SHANK2: variants seen among roughly 807,000 people sequenced by gnomAD.
The protein encoded by SHANK2 is SH3 and multiple ankyrin repeat domains protein 2.
Under a neutral mutation model 133.7 loss-of-function variants are expected in SHANK2, and 43 were observed. The observed-to-expected ratio is 0.32, with a 90% CI of 0.25 to 0.41. The LOEUF (loss-of-function observed/expected upper bound fraction) is 0.41, where lower values mean the gene tolerates loss of function less well. SHANK2 is among the 10% of genes least tolerant of loss of function. SHANK2 has a pLI of 1.00. For synonymous variants in SHANK2, 1,017 were observed against 952.8 expected (o/e 1.07, Z -1.24); for missense variants, 1,994 against 2,235.8 (o/e 0.89, Z 2.18).
chr11:71,146,124 G>C (rs1404345003), intron 3 of SHANK2, among the ~76,000 whole-genome samples: 1 of 152,178 alleles, frequency 6.6e-6, no homozygotes, highest in Non-Finnish European at 1.5e-5. Context: ...TGAAATGTTC[G>C]CAGGCCAACC....
chr11:70,586,801 G>T (rs975935652), intron 17 of SHANK2, among the ~76,000 whole-genome samples: 1 of 152,214 alleles, frequency 6.6e-6, no homozygotes, highest in Non-Finnish European at 1.5e-5. Context: ...TCCCCGGAAC[G>T]GGGAAGGACA....
At chr11:70,809,801 T>G (rs1948240404) in intron 12 of SHANK2, among the ~76,000 whole-genome samples, 1 of 152,200 alleles carries the variant, frequency 6.6e-6, no homozygotes, top group Non-Finnish European at 1.5e-5. Flanking sequence ...GATGCTTACC[T>G]GGGCTCTGAG....
chr11:71,117,680 C>A (rs1180320748), intron 4 of SHANK2, among the ~76,000 whole-genome samples: 4 of 152,182 alleles, frequency 2.6e-5, no homozygotes, highest in African/African-American at 9.7e-5. Flanking sequence ...TCTGAGCCAG[C>A]AAACACATCC....
chr11:70,625,716 C>T (rs1433376254), intron 17 of SHANK2, among the ~76,000 whole-genome samples: 1 of 150,660 alleles, frequency 6.6e-6, no homozygotes, highest in Non-Finnish European at 1.5e-5. Flanking sequence ...TTTACTCAGG[C>T]CCCTCCGCTC....
rs151029233 is a variant in SHANK2 at position 70,492,321 on chromosome 11, G to T, written c.2439+14C>A. The stretch of plus-strand genomic sequence containing the variant: ...CGGCCCCCGCCCTCGTGGTCCCAAG[G>T]TACGGCCACTCACGTTCATGTCTGA... On this transcript the variant is annotated intron_variant, in intron 22 of 25. Coordinates refer to ENST00000601538, the MANE Select transcript of SHANK2 (RefSeq NM_012309.5). The T allele has an allele frequency of 4.1e-3, 6,608 of 1,608,974 alleles. 24 individuals carry two copies. Among genetic ancestry groups the T allele is most frequent in the Non-Finnish European group, 5.2e-3 (6,172 of 1,179,874 alleles).
chr11:71,094,984 CCTCT>C (rs1720062098), intron 6 of SHANK2, among the ~76,000 whole-genome samples: 1 of 152,240 alleles, frequency 6.6e-6, no homozygotes. Flanking sequence ...GCTGCCCTTC[CCTCT>C]GAGTACACAG....
chr11:70,523,596 G>C (rs1198908498), intron 17 of SHANK2, among the ~76,000 whole-genome samples: 3 of 152,176 alleles, frequency 2.0e-5, no homozygotes, highest in African/African-American at 7.2e-5. Context: ...CACCTAAGCA[G>C]GCTTTGTCTA....
At position 70,777,885 on chromosome 11, in the gene SHANK2, C is replaced by T. The variant is rs147873070; in HGVS notation, c.1777+20558G>A. ...AGGTTTCATGAGGTGGAGATAGAGC[C>T]CTGGCATCCACATTACTTTTCTATA... On this transcript the variant is annotated intron_variant, in intron 14 of 25. Coordinates refer to ENST00000601538, the MANE Select transcript of SHANK2 (RefSeq NM_012309.5). Among the ~76,000 whole-genome samples the T allele has an allele frequency of 3.2e-3, 489 of 152,302 alleles. 5 individuals carry two copies. Among genetic ancestry groups the T allele is most frequent in the Middle Eastern group, 0.02 (6 of 294 alleles).
At chr11:70,849,251 GC>G (rs1443373355) in intron 11 of SHANK2, among the ~76,000 whole-genome samples, 3 of 152,164 alleles carry the variant, frequency 2.0e-5, no homozygotes, top group Admixed American at 1.3e-4. Context: ...TCTGAGACCA[GC>G]CTGGGCAACA....
Position 70,773,637 on chromosome 11 carries a change from T to A in SHANK2, c.1777+24806A>T, listed in dbSNP as rs146359488. Among the ~76,000 whole-genome samples, 418 of 152,364 alleles carry A rather than the reference T, an allele frequency of 2.7e-3. 3 individuals are homozygous for A. The highest frequency in any genetic ancestry group is 9.8e-3 in the African/African-American group (408 of 41,588). On this transcript the variant is annotated intron_variant, in intron 14 of 25. Transcript: ENST00000601538. ...TTTCCAAATTTGCTACAGGACTAGA[T>A]ATTACTTGTATAATAAAGTATTAGT...
At chr11:70,600,418 C>CAAAAAA (rs56103044) in intron 17 of SHANK2, among the ~76,000 whole-genome samples, 57 of 95,208 alleles carry the variant, frequency 6.0e-4, no homozygotes, top group Non-Finnish European at 1.0e-3. Flanking sequence ...GACTCTGTCT[C>CAAAAAA]AAAAAAAAAA....
intron 15 of SHANK2, among the ~76,000 whole-genome samples, chr11:70,697,836 C>A (rs1387497945): frequency 6.6e-6 from 1 of 152,188 alleles, no homozygotes; most frequent in Non-Finnish European, 1.5e-5. Flanking sequence ...GCTCCTCAGC[C>A]AGCAGGGCCG....
In SHANK2 at chr11:70,471,505, C is replaced by T; in HGVS notation, c.*1364G>A. On this transcript the variant is annotated 3_prime_UTR_variant, in exon 26 of 26. Transcript: ENST00000601538. The surrounding 1 kb of genome is among the most constrained non-coding windows in gnomAD (Gnocchi z 4.1). ...GGGGCGGGGCTCAAGAAAGCCTTGCCAGAGAGGCTGACCTGGCAGCCCAGG... is the reference window on the plus strand; with the variant it reads ...GGGGCGGGGCTCAAGAAAGCCTTGCTAGAGAGGCTGACCTGGCAGCCCAGG... The T allele has an allele frequency of 2.5e-6, 1 of 398,134 alleles. No individual in the cohort carries two copies. Among genetic ancestry groups the T allele is most frequent in the Non-Finnish European group, 4.4e-6 (1 of 225,938 alleles). The allele number at this position is 398,134 out of a possible 1,614,324, so 24.7% of individuals were successfully genotyped here.
At chr11:70,652,405 A>G (rs2061348455) in intron 17 of SHANK2, among the ~76,000 whole-genome samples, 1 of 152,244 alleles carries the variant, frequency 6.6e-6, no homozygotes, top group Non-Finnish European at 1.5e-5. Flanking sequence ...AACAAACATC[A>G]GTCATTATTA....
rs2059057954 is a variant in SHANK2, at chr11:70,501,829, C to T, written c.2287+94G>A. The T allele has an allele frequency of 2.2e-6, 3 of 1,337,212 alleles. No homozygotes were observed. In the South Asian group the frequency reaches 3.8e-5, roughly 17 times the overall value. The allele number at this position is 1,337,212 out of a possible 1,614,324, so 82.8% of individuals were successfully genotyped here. On this transcript the variant is annotated intron_variant, in intron 20 of 25. Coordinates refer to ENST00000601538, the MANE Select transcript of SHANK2 (RefSeq NM_012309.5). ...TCTGAGCCACGTGGGGAGCAGCTCACACAGGCCTCCGAGGCCTGGGCTGAG... is the reference window on the plus strand; with the variant it reads ...TCTGAGCCACGTGGGGAGCAGCTCATACAGGCCTCCGAGGCCTGGGCTGAG...
Position 70,853,574 on chromosome 11 carries a change from G to A in SHANK2, c.1175-32892C>T, listed in dbSNP as rs184508460. ...CTCCTCCCAACAGCTCCACCAGCCC[G>A]GAGCGTGTGATGTGTGTAGGATGCT... On this transcript the variant is annotated intron_variant, in intron 11 of 25. Transcript: ENST00000601538. Among the ~76,000 whole-genome samples, 621 of 152,276 alleles carry A rather than the reference G, an allele frequency of 4.1e-3. 2 individuals carry two copies. Among genetic ancestry groups the A allele is most frequent in the Non-Finnish European group, 6.7e-3 (458 of 68,026 alleles).
chr11:70,818,726 A>G (rs1948455329), intron 12 of SHANK2, among the ~76,000 whole-genome samples: 1 of 152,178 alleles, frequency 6.6e-6, no homozygotes, highest in Non-Finnish European at 1.5e-5. Context: ...TGTGGGCTAA[A>G]GGCCAAAGCG....
intron 21 of SHANK2, among the ~76,000 whole-genome samples, chr11:70,497,591 G>GT (rs2058990083): frequency 6.6e-6 from 1 of 152,184 alleles, no homozygotes; most frequent in African/African-American, 2.4e-5. Flanking sequence ...CAGGGAAAAG[G>GT]GAGGGGAGGT....
chr11:70,726,694 C>T (rs190156831), intron 14 of SHANK2, among the ~76,000 whole-genome samples: 8 of 152,180 alleles, frequency 5.3e-5, no homozygotes, highest in Admixed American at 2.0e-4. Flanking sequence ...AACCTACACC[C>T]GTATGCGATA....
Sources: allele counts gnomAD v4.1 joint callset (sites outside exome capture counted in the v4.1 genomes callset), GRCh38; gene constraint gnomAD v4.1.1; non-coding constraint Gnocchi (gnomAD v3.1); transcripts MANE v1.5; gene names NCBI Gene and HGNC (gene_info 2026-07-23, HGNC 2026-07-21).